NR3C2: variants seen among roughly 807,000 people sequenced by gnomAD.
NR3C2 encodes mineralocorticoid receptor.
A neutral mutation model predicts 86.4 loss-of-function variants in NR3C2; 15 were observed. The ratio of observed to expected loss-of-function variants is 0.17; its 90% CI spans 0.12 to 0.27. The LOEUF (loss-of-function observed/expected upper bound fraction) is 0.27, where lower values mean the gene tolerates loss of function less well. Ranked by LOEUF, NR3C2 falls within the 10% of genes least tolerant of loss-of-function variation. The pLI is 1.00. For synonymous variants in NR3C2, 458 were observed against 450.5 expected (o/e 1.02, Z -0.21); for missense variants, 960 against 1,195.6 (o/e 0.80, Z 2.91).
chr4:148,171,927 C>T (rs1217274976), intron 4 of NR3C2, among the ~76,000 whole-genome samples: 1 of 152,144 alleles, frequency 6.6e-6, no homozygotes, highest in African/African-American at 2.4e-5. Context: ...GAAATCAGTA[C>T]AGATTCCTGA....
chr4:148,294,270 T>C (rs1272577134), intron 2 of NR3C2, among the ~76,000 whole-genome samples: 3 of 152,286 alleles, frequency 2.0e-5, no homozygotes, highest in South Asian at 2.1e-4. Context: ...CTGAGACAAA[T>C]GCTTAGCACA....
At chr4:148,429,375 T>C (rs4635799) in intron 2 of NR3C2, among the ~76,000 whole-genome samples, 65,484 of 152,164 alleles carry the variant, frequency 0.43, 16,398 homozygotes, top group East Asian at 0.76. Flanking sequence ...TGAATCCAGA[T>C]GGCCAGCTAT....
chr4:148,120,084 A>G, intron 7 of NR3C2, 74 bp downstream of exon 7: 1 of 1,593,556 alleles, frequency 6.3e-7, no homozygotes, highest in Non-Finnish European at 8.6e-7. Context: ...CCTGAATACA[A>G]TAAATAGCCT....
At chr4:148,250,194 A>G (rs1739510394) in intron 3 of NR3C2, among the ~76,000 whole-genome samples, 2 of 152,202 alleles carry the variant, frequency 1.3e-5, no homozygotes. Flanking sequence ...GGCAGTATAT[A>G]TAGATATTGA....
At chr4:148,444,609 C>T, upstream of NR3C2, 1 of 988,822 alleles carries the variant, frequency 1.0e-6, no homozygotes, top group Non-Finnish European at 1.2e-6. Context: ...CCGCCACCAG[C>T]AAGTCCAATA....
chr4:148,243,215 G>T (rs1430602426), intron 3 of NR3C2, among the ~76,000 whole-genome samples: 1 of 151,930 alleles, frequency 6.6e-6, no homozygotes, highest in Non-Finnish European at 1.5e-5. Flanking sequence ...TTTTTATAGA[G>T]ATGGAGTCTT....
chr4:148,332,159 C>G lies in NR3C2; in HGVS notation c.1758-72042G>C, dbSNP rs116834287. 1.3e-3 allele frequency among the ~76,000 whole-genome samples: 197 copies of G among 152,246 alleles called. 1 individual carries two copies. The highest frequency in any genetic ancestry group is 4.5e-3 in the African/African-American group (186 of 41,554). ...ACACTAAAAATCATTGAATTCTATA[C>G]TGAGTGAATCGTATAGTATGTGAAT... On this transcript the variant is annotated intron_variant, in intron 2 of 8. Coordinates refer to ENST00000358102, the MANE Select transcript of NR3C2 (RefSeq NM_000901.5).
chr4:148,356,008 A>T (rs72656853), intron 2 of NR3C2, among the ~76,000 whole-genome samples: 33 of 152,344 alleles, frequency 2.2e-4, no homozygotes, highest in African/African-American at 7.9e-4. Context: ...TTCTCAGACT[A>T]GTATCTAACA....
chr4:148,395,111 A>T (rs1209602933), intron 2 of NR3C2, among the ~76,000 whole-genome samples: 3 of 152,132 alleles, frequency 2.0e-5, no homozygotes, highest in Admixed American at 6.5e-5. Flanking sequence ...AAAAAAAAAT[A>T]GGATATGTAC....
chr4:148,134,554 GT>G (rs1733187144), intron 6 of NR3C2, among the ~76,000 whole-genome samples: 1 of 148,462 alleles, frequency 6.7e-6, no homozygotes, highest in Non-Finnish European at 1.5e-5. Flanking sequence ...TGATTTGTTG[GT>G]TTTTTGTGTT....
At chr4:148,317,439 C>T (rs1373053889) in intron 2 of NR3C2, among the ~76,000 whole-genome samples, 2 of 151,846 alleles carry the variant, frequency 1.3e-5, no homozygotes, top group Admixed American at 6.6e-5. Flanking sequence ...TAAGACAATG[C>T]CATTTTGTTT....
At chr4:148,432,006 AAACT>A (rs1369310936) in intron 2 of NR3C2, among the ~76,000 whole-genome samples, 2 of 152,136 alleles carry the variant, frequency 1.3e-5, no homozygotes, top group Admixed American at 6.5e-5. Context: ...TTAAAAATTA[AAACT>A]AATATTAAAT....
intron 4 of NR3C2, among the ~76,000 whole-genome samples, chr4:148,182,324 C>G (rs1012367047): frequency 6.6e-6 from 1 of 152,054 alleles, no homozygotes; most frequent in Admixed American, 6.5e-5. Context: ...AAACTAAAAG[C>G]AAGACTTCGA....
At chr4:148,184,041 G>T (rs1270594085) in intron 4 of NR3C2, among the ~76,000 whole-genome samples, 1 of 151,988 alleles carries the variant, frequency 6.6e-6, no homozygotes, top group Non-Finnish European at 1.5e-5. Flanking sequence ...ACTATGCACA[G>T]GACAGTCCTC....
rs538420842 is a variant in NR3C2, at chr4:148,197,217, G to C, written c.1898-2355C>G. Among the ~76,000 whole-genome samples, 6 of 152,304 alleles carry C rather than the reference G, an allele frequency of 3.9e-5. No homozygotes were observed. The East Asian group carries it at 9.6e-4, about 24-fold the overall frequency. On this transcript the variant is annotated intron_variant, in intron 3 of 8. Transcript: ENST00000358102. Reference sequence around the variant, plus strand: ...TGCTCTTTGGAAATGAGAAGCAACAGAATGTTGAGAGAAGCACACTCTACT... The same window carrying C: ...TGCTCTTTGGAAATGAGAAGCAACACAATGTTGAGAGAAGCACACTCTACT...
At chr4:148,114,411 A>C in intron 7 of NR3C2, 150 bp from the exon 8 acceptor site, 1 of 795,468 alleles carries the variant, frequency 1.3e-6, no homozygotes, top group Non-Finnish European at 2.1e-6. Context: ...CTACTGGCAA[A>C]TACTTGTACA....
intron 4 of NR3C2, among the ~76,000 whole-genome samples, chr4:148,193,538 C>A (rs1736302912): frequency 6.6e-6 from 1 of 152,218 alleles, no homozygotes; most frequent in Admixed American, 6.5e-5. Flanking sequence ...CTATGCACAA[C>A]CTCCTGTATG....
intron 8 of NR3C2, among the ~76,000 whole-genome samples, chr4:148,084,557 A>G (rs143715777): frequency 8.5e-4 from 129 of 152,370 alleles, no homozygotes; most frequent in African/African-American, 3.0e-3. Flanking sequence ...AGCCACTGCA[A>G]AAACATACCA....
intron 2 of NR3C2, among the ~76,000 whole-genome samples, chr4:148,378,174 G>A (rs544662335): frequency 1.3e-5 from 2 of 152,110 alleles, no homozygotes; most frequent in Non-Finnish European, 2.9e-5. Context: ...GCTGGCGGGG[G>A]ATCTTAAGAA....
Sources: gnomAD v4.1 joint callset for allele counts (sites outside exome capture counted in the v4.1 genomes callset) on GRCh38, gnomAD v4.1.1 for gene constraint, MANE v1.5 for transcripts, NCBI Gene and HGNC (gene_info 2026-07-23, HGNC 2026-07-21) for gene names.